DACH2: variants seen among roughly 807,000 people sequenced by gnomAD.
DACH2 encodes dachshund family transcription factor 2, also known as dachshund homolog 2.
Under a neutral mutation model 35.8 loss-of-function variants are expected in DACH2, and 17 were observed. That is an observed-to-expected ratio of 0.48 (90% confidence interval 0.33 to 0.71). DACH2 has a LOEUF of 0.71. Among genes scored for constraint, DACH2 ranks in the 30% least tolerant of loss-of-function variants. DACH2 has a pLI of 0.02. For synonymous variants in DACH2, 195 were observed against 177.3 expected (o/e 1.10, Z -0.79); for missense variants, 469 against 472.7 (o/e 0.99, Z 0.07).
In DACH2 at chrX:86,808,073, T is replaced by C. The variant is rs143182865; in HGVS notation, c.1241-4783T>C. On this transcript the variant is annotated intron_variant, in intron 7 of 11. Transcript: ENST00000373125. ...ATTCCAAAGTACAGTGATCTCTTCT[T>C]TGAACTCCTAGAGGCAAATAACAAT... Among the ~76,000 whole-genome samples the C allele has an allele frequency of 2.0e-3, 228 of 111,778 alleles. 6 individuals are homozygous for C. Among genetic ancestry groups the C allele is most frequent in the African/African-American group, 7.0e-3 (217 of 30,849 alleles).
rs372027088 is a variant in DACH2, at chrX:86,336,848, C to T, written c.489-39976C>T. ...CCTTGAAAACAGGTTAGACCAATTG[C>T]TAACTAGAATAACCCATTTAGAGAA... is the stretch of plus-strand genomic sequence containing the variant. On this transcript the variant is annotated intron_variant, in intron 1 of 11. Coordinates refer to ENST00000373125, the MANE Select transcript of DACH2 (RefSeq NM_053281.3). 3.1e-4 allele frequency among the ~76,000 whole-genome samples: 34 copies of T among 109,179 alleles called. No individual in the cohort carries two copies. The East Asian group carries it at 3.9e-3, about 12-fold the overall frequency. The allele number at this position is 109,179 out of a possible 115,157, so 94.8% of individuals were successfully genotyped here.
chrX:86,389,522 G>T (rs187995290), intron 2 of DACH2, among the ~76,000 whole-genome samples: 3 of 112,052 alleles, frequency 2.7e-5, no homozygotes, highest in Admixed American at 9.5e-5. Flanking sequence ...GATAAATTAG[G>T]CATGAACTGC....
At chrX:86,189,504 T>G (rs1234552893) in intron 1 of DACH2, among the ~76,000 whole-genome samples, 1 of 111,706 alleles carries the variant, frequency 9.0e-6, no homozygotes, top group Non-Finnish European at 1.9e-5. Flanking sequence ...ATGTTTAAAA[T>G]AATAGCCTAC....
intron 1 of DACH2, among the ~76,000 whole-genome samples, chrX:86,365,022 C>T (rs1015506569): frequency 9.0e-6 from 1 of 111,341 alleles, no homozygotes; most frequent in African/African-American, 3.3e-5. Flanking sequence ...AACCCACTAG[C>T]GACATAAAGC....
intron 3 of DACH2, among the ~76,000 whole-genome samples, chrX:86,535,690 A>G (rs1384277625): frequency 1.8e-5 from 2 of 110,371 alleles, no homozygotes; most frequent in Non-Finnish European, 3.8e-5. Flanking sequence ...GGCAAGAGAG[A>G]GACACGGATC....
intron 3 of DACH2, among the ~76,000 whole-genome samples, chrX:86,583,892 T>C (rs2039535110): frequency 9.1e-6 from 1 of 110,262 alleles, no homozygotes; most frequent in Non-Finnish European, 1.9e-5. Context: ...TTCTCCTTTT[T>C]TACACTATCA....
chrX:86,546,357 C>CTCTTCTTCT (rs1195943792), intron 3 of DACH2, among the ~76,000 whole-genome samples: 3,747 of 50,000 alleles, frequency 0.075, 228 homozygotes, highest in Non-Finnish European at 0.094. Flanking sequence ...CTTCTTCTTC[C>CTCTTCTTCT]TCTTCTTCTT....
chrX:86,251,824 T>C (rs1412004844), intron 1 of DACH2, among the ~76,000 whole-genome samples: 1 of 111,625 alleles, frequency 9.0e-6, no homozygotes, highest in Non-Finnish European at 1.9e-5. Flanking sequence ...ATCTTTTTCG[T>C]ATAATGACTT....
intron 2 of DACH2, among the ~76,000 whole-genome samples, chrX:86,485,923 A>G (rs745524066): frequency 1.5e-4 from 17 of 111,887 alleles, no homozygotes; most frequent in Non-Finnish European, 2.6e-4. Flanking sequence ...TATACTTCAT[A>G]GTTCTTAAAT....
chrX:86,339,642 A>G (rs1158918374), intron 1 of DACH2, among the ~76,000 whole-genome samples: 1 of 111,601 alleles, frequency 9.0e-6, no homozygotes, highest in African/African-American at 3.3e-5. Context: ...TGGAGCTCAG[A>G]GTCTGTATGT....
At chrX:86,616,111 T>C (rs1471106582) in intron 3 of DACH2, among the ~76,000 whole-genome samples, 1 of 111,812 alleles carries the variant, frequency 8.9e-6, no homozygotes, top group Admixed American at 9.6e-5. Context: ...CTCATTCTTG[T>C]TTATAGCTGC....
intron 4 of DACH2, among the ~76,000 whole-genome samples, chrX:86,666,678 G>A (rs763935154): frequency 9.0e-6 from 1 of 111,458 alleles, no homozygotes; most frequent in East Asian, 2.9e-4. Flanking sequence ...GACAATTCTA[G>A]CTGTGGCAAT....
At position 86,612,811 on chromosome X, in the gene DACH2, G is replaced by A. The variant is rs144215041; in HGVS notation, c.641-38225G>A. Among the ~76,000 whole-genome samples the A allele has an allele frequency of 2.7e-3, 303 of 112,634 alleles. 2 individuals are homozygous for A. Among genetic ancestry groups the A allele is most frequent in the African/African-American group, 9.5e-3 (294 of 31,095 alleles). On this transcript the variant is annotated intron_variant, in intron 3 of 11. Transcript: ENST00000373125. ...TGATTCTTATGAGTGTACTTTTTGT[G>A]TAGATAGTTGTCAAATTTGGTGTTC...
At chrX:86,326,773 T>G (rs1276656560) in intron 1 of DACH2, among the ~76,000 whole-genome samples, 1 of 111,383 alleles carries the variant, frequency 9.0e-6, no homozygotes, top group African/African-American at 3.3e-5. Flanking sequence ...CACTTGTAAG[T>G]GAGAACATAT....
chrX:86,742,924 C>T lies in DACH2; in HGVS notation c.1240+3042C>T, dbSNP rs760628826. Reference sequence around the variant, plus strand: ...TTTGGGAGGTTATAAATTACATATCCGCCTGAAATTTTTCTGTGCATATAG... The same window carrying T: ...TTTGGGAGGTTATAAATTACATATCTGCCTGAAATTTTTCTGTGCATATAG... On this transcript the variant is annotated intron_variant, in intron 7 of 11. Transcript: ENST00000373125. Among the ~76,000 whole-genome samples the T allele has an allele frequency of 6.3e-5, 7 of 110,707 alleles. 1 individual carries two copies. In the South Asian group the frequency reaches 1.5e-3, roughly 24 times the overall value.
chrX:86,427,155 C>T (rs1043632123), intron 2 of DACH2, among the ~76,000 whole-genome samples: 3 of 111,277 alleles, frequency 2.7e-5, no homozygotes, highest in African/African-American at 9.8e-5. Context: ...GCCAGACTGC[C>T]CTTTATCTAT....
At chrX:86,402,893 A>T (rs1002068706) in intron 2 of DACH2, among the ~76,000 whole-genome samples, 8 of 111,939 alleles carry the variant, frequency 7.1e-5, no homozygotes, top group Non-Finnish European at 1.3e-4. Flanking sequence ...ACCTACAACC[A>T]TCTGATCTTT....
chrX:86,390,091 A>T (rs2036177879), intron 2 of DACH2, among the ~76,000 whole-genome samples: 1 of 111,623 alleles, frequency 9.0e-6, no homozygotes. Flanking sequence ...ATACAAGAAG[A>T]TCTACTCTTA....
intron 3 of DACH2, among the ~76,000 whole-genome samples, chrX:86,529,415 A>G (rs754361147): frequency 3.7e-5 from 4 of 108,514 alleles, no homozygotes; most frequent in Non-Finnish European, 7.6e-5. Context: ...CCCCTCCTGT[A>G]TTCATACCCC....
Sources: allele counts gnomAD v4.1 joint callset (sites outside exome capture counted in the v4.1 genomes callset), GRCh38; gene constraint gnomAD v4.1.1; transcripts MANE v1.5; gene names NCBI Gene and HGNC (gene_info 2026-07-23, HGNC 2026-07-21).